Variants in LARGE1 observed in about 807,000 individuals in gnomAD.
LARGE1 encodes LARGE xylosyl- and glucuronyltransferase 1.
Under a neutral mutation model 87.6 loss-of-function variants are expected in LARGE1, and 43 were observed. The ratio of observed to expected loss-of-function variants is 0.49; its 90% CI spans 0.38 to 0.63. The LOEUF (loss-of-function observed/expected upper bound fraction) is 0.63, where lower values mean the gene tolerates loss of function less well. Ranked by LOEUF, LARGE1 falls within the 30% of genes least tolerant of loss-of-function variation. The probability of loss-of-function intolerance (pLI) is 0.00; values close to 1 mark genes in which losing one functional copy is unlikely to be tolerated. For synonymous variants in LARGE1, 434 were observed against 394.6 expected (o/e 1.10, Z -1.18); for missense variants, 802 against 1,000.2 (o/e 0.80, Z 2.67).
At chr22:33,757,161 G>A (rs1212468883) in intron 2 of LARGE1, among the ~76,000 whole-genome samples, 1 of 152,156 alleles carries the variant, frequency 6.6e-6, no homozygotes, top group Non-Finnish European at 1.5e-5. Context: ...TTCCCAGATG[G>A]TGAACTCCAT....
intron 6 of LARGE1, among the ~76,000 whole-genome samples, chr22:33,463,605 A>C (rs2148030735): frequency 6.6e-6 from 1 of 152,332 alleles, no homozygotes; most frequent in Non-Finnish European, 1.5e-5. Flanking sequence ...ACATAGGTAA[A>C]GAACTTGACA....
chr22:33,489,068 A>G (rs2069708759), intron 6 of LARGE1, among the ~76,000 whole-genome samples: 1 of 152,216 alleles, frequency 6.6e-6, no homozygotes, highest in South Asian at 2.1e-4. Flanking sequence ...ATGTTTATTA[A>G]GTGCTTCCAT....
chr22:33,722,685 C>A (rs1400167376), intron 2 of LARGE1, among the ~76,000 whole-genome samples: 1 of 152,038 alleles, frequency 6.6e-6, no homozygotes, highest in Non-Finnish European at 1.5e-5. Context: ...AGTATAATGG[C>A]AAGACCAAAG....
At chr22:33,523,766 T>C (rs1025646302) in intron 6 of LARGE1, among the ~76,000 whole-genome samples, 13 of 152,156 alleles carry the variant, frequency 8.5e-5, no homozygotes, top group African/African-American at 3.1e-4. Flanking sequence ...AATAGATGCA[T>C]ATGAAATTGC....
In LARGE1 at chr22:33,577,552, C is replaced by A. The variant is rs527963876; in HGVS notation, c.616-12533G>T. On this transcript the variant is annotated intron_variant, in intron 5 of 14. Coordinates refer to ENST00000397394, the MANE Select transcript of LARGE1 (RefSeq NM_133642.5). ...GCTCTCACAACCATACCTTCTTCCACTCTTACCTCCGCCTTCCCATGGAGC... is the reference window on the plus strand; with the variant it reads ...GCTCTCACAACCATACCTTCTTCCAATCTTACCTCCGCCTTCCCATGGAGC... Among the ~76,000 whole-genome samples the A allele has an allele frequency of 8.5e-5, 13 of 152,328 alleles. No homozygotes were observed. In the South Asian group the frequency reaches 2.7e-3, roughly 32 times the overall value.
intron 11 of LARGE1, among the ~76,000 whole-genome samples, chr22:33,183,945 T>C (rs1023835906): frequency 6.6e-6 from 1 of 151,952 alleles, no homozygotes; most frequent in Admixed American, 6.6e-5. Context: ...GAATGGTGAC[T>C]ATAGTTAATG....
At chr22:33,243,742 T>G (rs1011096708) in intron 11 of LARGE1, among the ~76,000 whole-genome samples, 1 of 152,236 alleles carries the variant, frequency 6.6e-6, no homozygotes, top group East Asian at 1.9e-4. Flanking sequence ...GCATATGTTC[T>G]TATTTCTTTT....
At chr22:33,562,551 C>A (rs2077891964) in intron 6 of LARGE1, among the ~76,000 whole-genome samples, 1 of 152,220 alleles carries the variant, frequency 6.6e-6, no homozygotes, top group Non-Finnish European at 1.5e-5. Context: ...TGTCCCTGTC[C>A]TGACCTTGGC....
chr22:33,396,594 G>C (rs1485519967), intron 7 of LARGE1, among the ~76,000 whole-genome samples: 5 of 152,038 alleles, frequency 3.3e-5, no homozygotes, highest in Non-Finnish European at 5.9e-5. Flanking sequence ...GAATGGAATG[G>C]GGTGTGGTCA....
At chr22:33,889,474 ATGGTT>A (rs1352711678) in intron 1 of LARGE1, among the ~76,000 whole-genome samples, 1 of 152,218 alleles carries the variant, frequency 6.6e-6, no homozygotes, top group African/African-American at 2.4e-5. Flanking sequence ...ATTTTGTGTA[ATGGTT>A]TCCTTAAATA....
intron 2 of LARGE1, among the ~76,000 whole-genome samples, chr22:33,669,234 T>C (rs1234941335): frequency 6.6e-6 from 1 of 152,174 alleles, no homozygotes; most frequent in Non-Finnish European, 1.5e-5. Context: ...GTTTTGAAAA[T>C]GCATTTTTAA....
At chr22:33,116,508 C>G in the LARGE1 span, among the ~76,000 whole-genome samples, 1 of 151,792 alleles carries the variant, frequency 6.6e-6, no homozygotes, top group East Asian at 1.9e-4. Flanking sequence ...GCGCCCGCCA[C>G]CACGCCCAGC....
chr22:33,797,510 C>A (rs912241970), intron 1 of LARGE1, among the ~76,000 whole-genome samples: 15 of 152,140 alleles, frequency 9.9e-5, no homozygotes, highest in Non-Finnish European at 2.1e-4. Flanking sequence ...TGGGCATGAG[C>A]CAGAGTTACT....
chr22:33,089,254 GTCTTCTTCCTCT>G, the LARGE1 span, among the ~76,000 whole-genome samples: 1 of 151,440 alleles, frequency 6.6e-6, no homozygotes. Flanking sequence ...TGTTTCTTCT[GTCTTCTTCCTCT>G]TCTTCTTCTT....
chr22:33,569,523 C>T (rs530642015), intron 5 of LARGE1, among the ~76,000 whole-genome samples: 31 of 152,240 alleles, frequency 2.0e-4, no homozygotes, highest in African/African-American at 7.2e-4. Flanking sequence ...AAAGAAAGCC[C>T]CAGGAAAAGG....
At chr22:33,415,799 G>T (rs2147500322) in intron 7 of LARGE1, among the ~76,000 whole-genome samples, 1 of 152,282 alleles carries the variant, frequency 6.6e-6, no homozygotes, top group Middle Eastern at 3.4e-3. Flanking sequence ...AGACATAAAT[G>T]GAGACAATCA....
chr22:33,697,082 T>C (rs2082274425), intron 2 of LARGE1, among the ~76,000 whole-genome samples: 1 of 152,136 alleles, frequency 6.6e-6, no homozygotes, highest in Admixed American at 6.5e-5. Context: ...CTGCATGAGA[T>C]GACAGAGGCA....
intron 11 of LARGE1, among the ~76,000 whole-genome samples, chr22:33,242,455 C>T (rs1192445296): frequency 6.6e-6 from 1 of 152,114 alleles, no homozygotes; most frequent in African/African-American, 2.4e-5. Context: ...GAATTGCACA[C>T]TGTTAGGTGA....
intron 1 of LARGE1, among the ~76,000 whole-genome samples, chr22:33,808,216 C>T (rs5749668): frequency 0.9 from 137,648 of 152,318 alleles, 62,295 homozygotes; most frequent in East Asian, 0.97. Flanking sequence ...TGTAGCAGTA[C>T]GTCACTGTTG....
Sources: gnomAD v4.1 joint callset for allele counts (sites outside exome capture counted in the v4.1 genomes callset) on GRCh38, gnomAD v4.1.1 for gene constraint, MANE v1.5 for transcripts, NCBI Gene and HGNC (gene_info 2026-07-23, HGNC 2026-07-21) for gene names.